The following TIMP2 variants were observed in gnomAD, a reference collection of about 807,000 sequenced individuals.
TIMP2 encodes the protein TIMP metallopeptidase inhibitor 2.
In TIMP2, 5 loss-of-function variants were observed where a neutral mutation model predicts 24.3. That is an observed-to-expected ratio of 0.21 (90% CI 0.11 to 0.43). TIMP2 has a LOEUF of 0.43. Ranked by LOEUF, TIMP2 falls within the 20% of genes least tolerant of loss-of-function variation. The pLI is 1.00. For synonymous variants in TIMP2, 130 were observed against 123.2 expected (o/e 1.06, Z -0.37); for missense variants, 221 against 297.5 (o/e 0.74, Z 1.89).
Position 78,896,636 on chromosome 17 carries a change from A to C in TIMP2, c.131-22717T>G, listed in dbSNP as rs7216901. On this transcript the variant is annotated intron_variant, in intron 1 of 4. Transcript: ENST00000262768. This position sits in a 1 kb window ranked among gnomAD's most constrained non-coding sequence, Gnocchi z 4.4. ...GCTGCCCTCTGGTCCTGCCACCCCGAGCTGACAAGCCTGCCTTCTGCTGGC... is the reference window on the plus strand; with the variant it reads ...GCTGCCCTCTGGTCCTGCCACCCCGCGCTGACAAGCCTGCCTTCTGCTGGC... Among the ~76,000 whole-genome samples, 24,673 of 151,790 alleles carry C rather than the reference A, an allele frequency of 0.16. 4,339 individuals are homozygous for C. The highest frequency in any genetic ancestry group is 0.45 in the African/African-American group (18,548 of 41,306).
rs890374920 is a variant in TIMP2 at position 78,864,806 on chromosome 17, C to T, written c.340+6092G>A. ...GTGGTTCAAGCCTGTAATCTCAGCA[C>T]TTTGGGAAGCCAAGGCAGGCGGATC... is the stretch of plus-strand genomic sequence containing the variant. On this transcript the variant is annotated intron_variant, in intron 3 of 4. Transcript: ENST00000262768. Among the ~76,000 whole-genome samples the T allele has an allele frequency of 3.9e-5, 6 of 152,246 alleles. No homozygotes were observed. The South Asian group carries it at 8.3e-4, about 21-fold the overall frequency.
At position 78,855,258 on chromosome 17, in the gene TIMP2, C is replaced by T. The variant is rs2069515930; in HGVS notation, c.*409G>A. ...TGAAAGGGACCTGGTAGGCCTGCTA[C>T]ACAGTCTTGCAACGACCCTCAAAAG... On this transcript the variant is annotated 3_prime_UTR_variant, in exon 5 of 5. Transcript: ENST00000262768. The surrounding 1 kb of genome is among the most constrained non-coding windows in gnomAD (Gnocchi z 6.0). The T allele has an allele frequency of 4.4e-6, 1 of 229,308 alleles. No individual in the cohort carries two copies. Among genetic ancestry groups the T allele is most frequent in the Non-Finnish European group, 8.9e-6 (1 of 112,470 alleles). The allele number at this position is 229,308 out of a possible 1,614,324, so 14.2% of individuals were successfully genotyped here.
At chr17:78,880,632 A>G (rs2069771346) in intron 1 of TIMP2, among the ~76,000 whole-genome samples, 1 of 152,232 alleles carries the variant, frequency 6.6e-6, no homozygotes. Context: ...CTAGATGTTC[A>G]AGGCTGCAGT....
chr17:78,881,049 C>T (rs973557531), intron 1 of TIMP2, among the ~76,000 whole-genome samples: 1 of 152,240 alleles, frequency 6.6e-6, no homozygotes, highest in Admixed American at 6.5e-5. Context: ...TCTGCCCAGA[C>T]GAGGTGCAGG....
rs182406696 is a variant in TIMP2 at position 78,921,583 on chromosome 17, A to G, written c.130+3376T>C. Reference sequence around the variant, plus strand: ...GAGCCCAAAGCTAATTTCCAGCCAGATCCCTGTAGCTGTGCAGGCTGGCAG... The same window carrying G: ...GAGCCCAAAGCTAATTTCCAGCCAGGTCCCTGTAGCTGTGCAGGCTGGCAG... On this transcript the variant is annotated intron_variant, in intron 1 of 4. Coordinates refer to ENST00000262768, the MANE Select transcript of TIMP2 (RefSeq NM_003255.5). 7.9e-4 allele frequency among the ~76,000 whole-genome samples: 120 copies of G among 152,272 alleles called. 1 individual carries two copies. The highest frequency in any genetic ancestry group is 2.6e-3 in the African/African-American group (107 of 41,552).
chr17:78,864,395 T>C (rs755112026), intron 3 of TIMP2, among the ~76,000 whole-genome samples: 6 of 142,130 alleles, frequency 4.2e-5, no homozygotes, highest in Non-Finnish European at 6.1e-5. Flanking sequence ...CTCCCTTCCT[T>C]CCTTCCTTCC....
In TIMP2 at chr17:78,893,412, C is replaced by CGT. The variant is rs1258725013; in HGVS notation, c.131-19494_131-19493insAC. ...GGGTGTGTATGCAGGGGTGTGTGTG[C>CGT]ATAGGGGTGTGTGTGCAGGGGTGTG... On this transcript the variant is annotated intron_variant, in intron 1 of 4. Transcript: ENST00000262768. 1.9e-3 allele frequency among the ~76,000 whole-genome samples: 128 copies of CGT among 65,806 alleles called. 2 individuals carry two copies. Among genetic ancestry groups the CGT allele is most frequent in the African/African-American group, 9.6e-3 (124 of 12,984 alleles). 43.2% of individuals were successfully genotyped at this position (65,806 alleles called of 152,430 possible).
intron 1 of TIMP2, among the ~76,000 whole-genome samples, chr17:78,912,738 C>T (rs761390921): frequency 5.3e-5 from 8 of 152,184 alleles, no homozygotes; most frequent in South Asian, 2.1e-4. Flanking sequence ...CATCAGCCTG[C>T]GATGACTTAG....
intron 1 of TIMP2, among the ~76,000 whole-genome samples, chr17:78,908,764 G>T (rs548883632): frequency 6.6e-6 from 1 of 152,304 alleles, no homozygotes; most frequent in East Asian, 1.9e-4. Context: ...TGCACAGAAG[G>T]GAAGACCACC....
intron 1 of TIMP2, among the ~76,000 whole-genome samples, chr17:78,906,561 C>CT (rs1287131218): frequency 2.0e-5 from 3 of 151,726 alleles, no homozygotes; most frequent in South Asian, 2.1e-4. Context: ...GTGGCAATTT[C>CT]TTTTTTTTCC....
chr17:78,877,357 T>A (rs1341609400), intron 1 of TIMP2, among the ~76,000 whole-genome samples: 5 of 152,076 alleles, frequency 3.3e-5, no homozygotes, highest in Non-Finnish European at 7.4e-5. Flanking sequence ...GGCGGGCGGA[T>A]CACTTGAGGT....
chr17:78,912,073 AT>A (rs777129005), intron 1 of TIMP2, among the ~76,000 whole-genome samples: 7 of 152,004 alleles, frequency 4.6e-5, no homozygotes, highest in Non-Finnish European at 1.0e-4. Flanking sequence ...CAAAAAAAAA[AT>A]ATGAATCTCC....
chr17:78,858,397 G>C (rs1036353523), intron 3 of TIMP2, among the ~76,000 whole-genome samples: 2 of 151,738 alleles, frequency 1.3e-5, no homozygotes, highest in Non-Finnish European at 2.9e-5. Context: ...GAGCCGAGTT[G>C]GTGCCACTGC....
intron 1 of TIMP2, among the ~76,000 whole-genome samples, chr17:78,895,662 A>G (rs995769099): frequency 6.6e-6 from 1 of 152,218 alleles, no homozygotes; most frequent in Non-Finnish European, 1.5e-5. Flanking sequence ...TGAGTCCACA[A>G]AAAGAAACCA....
rs1025105211 is a variant in TIMP2, at chr17:78,853,262, T to C, written c.*2405A>G. On this transcript the variant is annotated 3_prime_UTR_variant, in exon 5 of 5. Coordinates refer to ENST00000262768, the MANE Select transcript of TIMP2 (RefSeq NM_003255.5). ...GAAAATAACTACAATGTAAACTTTATTTTAAATATTTTGAGTTGCTTGCAG... is the reference window on the plus strand; with the variant it reads ...GAAAATAACTACAATGTAAACTTTACTTTAAATATTTTGAGTTGCTTGCAG... The C allele has an allele frequency of 6.6e-6, 1 of 152,632 alleles. No homozygotes were observed. Among genetic ancestry groups the C allele is most frequent in the African/African-American group, 2.4e-5 (1 of 41,466 alleles). 9.5% of individuals were successfully genotyped at this position (152,632 alleles called of 1,614,324 possible).
At chr17:78,894,430 A>T (rs2069966293) in intron 1 of TIMP2, among the ~76,000 whole-genome samples, 1 of 152,142 alleles carries the variant, frequency 6.6e-6, no homozygotes, top group African/African-American at 2.4e-5. Flanking sequence ...TTAATATTAT[A>T]TTTAGCCAGA....
intron 1 of TIMP2, among the ~76,000 whole-genome samples, chr17:78,880,705 G>C (rs1222136010): frequency 2.6e-5 from 4 of 152,168 alleles, no homozygotes; most frequent in African/African-American, 9.7e-5. Flanking sequence ...GCCTTTGAAA[G>C]AAAAAGAAAA....
rs568974687 is a variant in TIMP2, at chr17:78,924,783, G to T, written c.130+176C>A. On this transcript the variant is annotated intron_variant, in intron 1 of 4. Transcript: ENST00000262768. This position sits in a 1 kb window ranked among gnomAD's most constrained non-coding sequence, Gnocchi z 5.3. ...AGGGAAAGAAAGGGAGAGGAGGGAGGGGGGAAAGAAAGTCGGCTCTGGGCG... is the reference window on the plus strand; with the variant it reads ...AGGGAAAGAAAGGGAGAGGAGGGAGTGGGGAAAGAAAGTCGGCTCTGGGCG... 4.2e-4 allele frequency among the ~76,000 whole-genome samples: 64 copies of T among 152,116 alleles called. 2 individuals are homozygous for T. The South Asian group carries it at 0.011, about 27-fold the overall frequency.
intron 1 of TIMP2, among the ~76,000 whole-genome samples, chr17:78,888,734 A>G (rs1266452629): frequency 6.6e-6 from 1 of 152,164 alleles, no homozygotes; most frequent in Non-Finnish European, 1.5e-5. Flanking sequence ...TGTAGGTGTG[A>G]GCCATCAGCA....
Sources: gnomAD v4.1 joint callset for allele counts (sites outside exome capture counted in the v4.1 genomes callset) on GRCh38, gnomAD v4.1.1 for gene constraint, Gnocchi (gnomAD v3.1) non-coding constraint, MANE v1.5 for transcripts, NCBI Gene and HGNC (gene_info 2026-07-23, HGNC 2026-07-21) for gene names.